Variants in DIP2C observed in about 807,000 individuals in gnomAD.
DIP2C encodes the protein disco-interacting protein 2 homolog C.
Under a neutral mutation model 192.4 loss-of-function variants are expected in DIP2C, and 33 were observed. That is an observed-to-expected ratio of 0.17 (90% CI 0.13 to 0.23). DIP2C has a LOEUF of 0.23. Ranked by LOEUF, DIP2C falls within the 10% of genes least tolerant of loss-of-function variation. The probability of loss-of-function intolerance (pLI) is 1.00; values close to 1 mark genes in which losing one functional copy is unlikely to be tolerated. For synonymous variants in DIP2C, 979 were observed against 864.1 expected, an observed-to-expected ratio of 1.13 and a Z score of -2.33; for missense variants, 1,537 against 2,110.1, an observed-to-expected ratio of 0.73 and a Z score of 5.32.
chr10:494,754 T>G (rs1844694024), intron 1 of DIP2C, among the ~76,000 whole-genome samples: 2 of 152,188 alleles, frequency 1.3e-5, no homozygotes, highest in Admixed American at 6.5e-5. Flanking sequence ...TTGGCAAAGA[T>G]GTGGAGCAAA....
intron 31 of DIP2C, among the ~76,000 whole-genome samples, chr10:320,884 C>T (rs1564550057): frequency 6.6e-6 from 1 of 152,214 alleles, no homozygotes; most frequent in Non-Finnish European, 1.5e-5. Flanking sequence ...GAACAAAGTA[C>T]ACTGGCAATT....
At chr10:287,087 T>C (rs1955180737) in intron 33 of DIP2C, among the ~76,000 whole-genome samples, 1 of 152,134 alleles carries the variant, frequency 6.6e-6, no homozygotes, top group Admixed American at 6.5e-5. Context: ...CTGTAATAGA[T>C]GTCAGTACTA....
intron 1 of DIP2C, among the ~76,000 whole-genome samples, chr10:551,028 G>A (rs1848557897): frequency 6.6e-6 from 1 of 151,566 alleles, no homozygotes; most frequent in Non-Finnish European, 1.5e-5. Flanking sequence ...TTCCCCCTCT[G>A]CCCTCACTGG....
rs745397858 is a variant in DIP2C at position 486,413 on chromosome 10, A to G, written c.157+46T>C. 13 of 1,514,068 alleles carry G rather than the reference A, an allele frequency of 8.6e-6. No individual in the cohort carries two copies. In the East Asian group the frequency reaches 2.9e-4, roughly 34 times the overall value. 93.8% of individuals were successfully genotyped at this position (1,514,068 alleles called of 1,614,324 possible). A position where few individuals can be genotyped will look rare whatever the true frequency, so the allele number is the denominator to read the frequency against. On this transcript the variant is annotated intron_variant, in intron 2 of 36. Coordinates refer to ENST00000280886, the MANE Select transcript of DIP2C (RefSeq NM_014974.3). ...CCAGATGTTTCTCTGGCACATAGTG[A>G]ATGCGGGAAATGAGAGGACTCATGC...
At chr10:618,407 C>T (rs557156860) in intron 1 of DIP2C, among the ~76,000 whole-genome samples, 4 of 152,218 alleles carry the variant, frequency 2.6e-5, no homozygotes, top group Non-Finnish European at 2.9e-5. Flanking sequence ...CTGAGCCGGA[C>T]GCCCGCAGGC....
Position 444,912 on chromosome 10 carries a change from C to T in DIP2C, c.269-3916G>A, listed in dbSNP as rs73573661. Among the ~76,000 whole-genome samples the T allele has an allele frequency of 3.0e-3, 462 of 152,352 alleles. 1 individual carries two copies. Among genetic ancestry groups the T allele is most frequent in the African/African-American group, 0.011 (438 of 41,578 alleles). Reference sequence around the variant, plus strand: ...TAATGTGCATTCTTTTACACGGACACACATTTTCATCTCTCCTTGGTGAAC... The same window carrying T: ...TAATGTGCATTCTTTTACACGGACATACATTTTCATCTCTCCTTGGTGAAC... On this transcript the variant is annotated intron_variant, in intron 3 of 36. Coordinates refer to ENST00000280886, the MANE Select transcript of DIP2C (RefSeq NM_014974.3).
In DIP2C at chr10:496,226, C is replaced by T. The variant is rs187784006; in HGVS notation, c.86-9696G>A. 1.8e-3 allele frequency among the ~76,000 whole-genome samples: 260 copies of T among 142,376 alleles called. 2 individuals are homozygous for T. Among genetic ancestry groups the T allele is most frequent in the Middle Eastern group, 4.9e-3 (1 of 204 alleles). The allele number at this position is 142,376 out of a possible 152,430, so 93.4% of individuals were successfully genotyped here. A position where few individuals can be genotyped will look rare whatever the true frequency, so the allele number is the denominator to read the frequency against. On this transcript the variant is annotated intron_variant, in intron 1 of 36. Coordinates refer to ENST00000280886, the MANE Select transcript of DIP2C (RefSeq NM_014974.3). Reference sequence around the variant, plus strand: ...ACATTACTCTTAATACCCCAAACAACGTGAGTGCTGAGTACACAGAACCAA... The same window carrying T: ...ACATTACTCTTAATACCCCAAACAATGTGAGTGCTGAGTACACAGAACCAA...
In DIP2C at chr10:689,455, G is replaced by T. The variant is rs750980631; in HGVS notation, c.85+39C>A. The T allele has an allele frequency of 1.8e-6, 2 of 1,093,656 alleles. No homozygotes were observed. Among genetic ancestry groups the T allele is most frequent in the Admixed American group, 9.6e-5 (2 of 20,740 alleles). 67.7% of individuals were successfully genotyped at this position (1,093,656 alleles called of 1,614,324 possible). On this transcript the variant is annotated intron_variant, in intron 1 of 36. Coordinates refer to ENST00000280886, the MANE Select transcript of DIP2C (RefSeq NM_014974.3). The surrounding 1 kb of genome is among the most constrained non-coding windows in gnomAD (Gnocchi z 6.1). ...AGCCCTCCGCGCGCGGCCCTCCCCG[G>T]TGACAGCGCGGCCCGGCCCGGGGCG...
rs1491330715 is a variant in DIP2C, at chr10:580,369, CAT to C, written c.86-93841_86-93840del. Among the ~76,000 whole-genome samples, 11 of 152,232 alleles carry C rather than the reference CAT, an allele frequency of 7.2e-5. No individual in the cohort carries two copies. In the South Asian group the frequency reaches 1.5e-3, roughly 20 times the overall value. ...TACATGCATGCTTACAGTGTGCACACATGTATATATATAAGTACACAAATGTG... is the reference window on the plus strand; with the variant it reads ...TACATGCATGCTTACAGTGTGCACACGTATATATATAAGTACACAAATGTG... On this transcript the variant is annotated intron_variant, in intron 1 of 36. Coordinates refer to ENST00000280886, the MANE Select transcript of DIP2C (RefSeq NM_014974.3).
Position 275,991 on chromosome 10 carries a change from T to C in DIP2C, c.*1334A>G, listed in dbSNP as rs550176550. The C allele has an allele frequency of 1.3e-5, 2 of 152,314 alleles. No individual in the cohort carries two copies. Among genetic ancestry groups the C allele is most frequent in the African/African-American group, 2.4e-5 (1 of 41,552 alleles). 9.4% of individuals were successfully genotyped at this position (152,314 alleles called of 1,614,324 possible). A position where few individuals can be genotyped will look rare whatever the true frequency, so the allele number is the denominator to read the frequency against. On this transcript the variant is annotated 3_prime_UTR_variant, in exon 37 of 37. Transcript: ENST00000280886. Reference sequence around the variant, plus strand: ...ATCACCGATGTGAGTTCCGGACACTTTGTCCACTCCACATTGGCCATCAGA... The same window carrying C: ...ATCACCGATGTGAGTTCCGGACACTCTGTCCACTCCACATTGGCCATCAGA...
At chr10:530,547 G>C (rs1847303792) in intron 1 of DIP2C, among the ~76,000 whole-genome samples, 1 of 151,568 alleles carries the variant, frequency 6.6e-6, no homozygotes, top group Non-Finnish European at 1.5e-5. Flanking sequence ...GGCTGGTGCA[G>C]TGGCTCAAGC....
At chr10:683,755 C>T (rs748823654) in intron 1 of DIP2C, among the ~76,000 whole-genome samples, 5 of 152,170 alleles carry the variant, frequency 3.3e-5, no homozygotes, top group Non-Finnish European at 5.9e-5. Flanking sequence ...AGCATCAAAA[C>T]CCAGGTTCCT....
intron 1 of DIP2C, among the ~76,000 whole-genome samples, chr10:635,510 T>C (rs1215452692): frequency 1.3e-5 from 2 of 152,212 alleles, no homozygotes; most frequent in Non-Finnish European, 1.5e-5. Context: ...CTCTGGGGCG[T>C]TGAGGGCCCA....
intron 7 of DIP2C, 76 bp from the exon 8 acceptor site, chr10:414,186 G>C: frequency 6.8e-7 from 1 of 1,465,114 alleles, no homozygotes; most frequent in Non-Finnish European, 9.2e-7. Flanking sequence ...TCTTTATAAA[G>C]AAGCCAAGAG....
chr10:456,650 G>C (rs970460081), intron 3 of DIP2C, among the ~76,000 whole-genome samples: 1 of 152,234 alleles, frequency 6.6e-6, no homozygotes, highest in Non-Finnish European at 1.5e-5. Context: ...GAGGCCAGAC[G>C]AGACAGGCTG....
In DIP2C at chr10:545,589, C is replaced by CCTG. The variant is rs573114994; in HGVS notation, c.86-59062_86-59060dup. ...GGGGTGAGGACCCGGAGGATCGAAC[C>CCTG]CTGCCTGCACCTTGACCCCAGGCTT... On this transcript the variant is annotated intron_variant, in intron 1 of 36. Transcript: ENST00000280886. 1.7e-4 allele frequency among the ~76,000 whole-genome samples: 26 copies of CCTG among 152,282 alleles called. No homozygotes were observed. In the South Asian group the frequency reaches 5.2e-3, roughly 30 times the overall value.
chr10:577,269 T>C (rs1021936402), intron 1 of DIP2C, among the ~76,000 whole-genome samples: 1 of 152,216 alleles, frequency 6.6e-6, no homozygotes, highest in African/African-American at 2.4e-5. Flanking sequence ...AGAGAACATG[T>C]AAATACAGTT....
At chr10:613,293 G>A (rs937776598) in intron 1 of DIP2C, among the ~76,000 whole-genome samples, 5 of 152,232 alleles carry the variant, frequency 3.3e-5, no homozygotes, top group Non-Finnish European at 5.9e-5. Context: ...CTCGGCCTCC[G>A]CCTCCCACCT....
chr10:440,676 T>C (rs1589802193), intron 4 of DIP2C, among the ~76,000 whole-genome samples, 195 bp downstream of exon 4: 2 of 152,206 alleles, frequency 1.3e-5, no homozygotes, highest in South Asian at 4.1e-4. Context: ...AAAAATGTGT[T>C]TTTATACAGA....
Sources: allele counts gnomAD v4.1 joint callset (sites outside exome capture counted in the v4.1 genomes callset), GRCh38; gene constraint gnomAD v4.1.1; non-coding constraint Gnocchi (gnomAD v3.1); transcripts MANE v1.5; gene names NCBI Gene and HGNC (gene_info 2026-07-23, HGNC 2026-07-21).